Variants in PDZRN3 observed in about 807,000 individuals in gnomAD.
The protein encoded by PDZRN3 is PDZ domain containing ring finger 3, also known as E3 ubiquitin-protein ligase PDZRN3.
In PDZRN3, 38 loss-of-function variants were observed where a neutral mutation model predicts 85.7. The observed-to-expected ratio is 0.44, with a 90% CI of 0.34 to 0.58. The LOEUF is 0.58. Among genes scored for constraint, PDZRN3 ranks in the 20% least tolerant of loss-of-function variants. The probability of loss-of-function intolerance (pLI) is 0.01; values close to 1 mark genes in which losing one functional copy is unlikely to be tolerated. For synonymous variants in PDZRN3, 759 were observed against 638.0 expected (o/e 1.19, Z -2.86); for missense variants, 1,629 against 1,506.4 (o/e 1.08, Z -1.35).
intron 3 of PDZRN3, among the ~76,000 whole-genome samples, chr3:73,510,480 A>T (rs1704144273): frequency 6.6e-6 from 1 of 152,266 alleles, no homozygotes; most frequent in African/African-American, 2.4e-5. Flanking sequence ...GAATAAATAA[A>T]GCATGTGCTC....
intron 3 of PDZRN3, among the ~76,000 whole-genome samples, chr3:73,455,608 A>G (rs561915663): frequency 3.9e-5 from 6 of 152,222 alleles, no homozygotes; most frequent in Non-Finnish European, 8.8e-5. Context: ...TGCAAAACAG[A>G]TATTATAATA....
At chr3:73,590,275 A>AAG (rs1553705522) in intron 3 of PDZRN3, among the ~76,000 whole-genome samples, 14 of 151,562 alleles carry the variant, frequency 9.2e-5, no homozygotes, top group Admixed American at 2.0e-4. Context: ...TCTCAAAAAA[A>AAG]AAAAAAAAAA....
chr3:73,530,289 T>C (rs75895126), intron 3 of PDZRN3, among the ~76,000 whole-genome samples: 1,626 of 152,268 alleles, frequency 0.011, 33 homozygotes, highest in African/African-American at 0.037. Context: ...TTTTATGACT[T>C]AACACTCTTG....
intron 3 of PDZRN3, 181 bp from the exon 4 acceptor site, chr3:73,404,576 G>A: frequency 3.3e-6 from 2 of 605,282 alleles, no homozygotes; most frequent in Non-Finnish European, 5.7e-6. Flanking sequence ...AAGAGAGTGA[G>A]TTTGGAGGTA....
rs529000012 is a variant in PDZRN3 at position 73,462,850 on chromosome 3, T to A, written c.919-58455A>T. 5.9e-5 allele frequency among the ~76,000 whole-genome samples: 9 copies of A among 152,298 alleles called. No homozygotes were observed. In the South Asian group the frequency reaches 1.9e-3, roughly 32 times the overall value. ...CAACTACCTTTTGCCTTAAGTCTTA[T>A]TGGCCCACACTTTTACAAATGAGAA... On this transcript the variant is annotated intron_variant, in intron 3 of 9. Coordinates refer to ENST00000263666, the MANE Select transcript of PDZRN3 (RefSeq NM_015009.3).
At chr3:73,613,700 G>C (rs561115033) in intron 1 of PDZRN3, among the ~76,000 whole-genome samples, 1 of 151,970 alleles carries the variant, frequency 6.6e-6, no homozygotes, top group African/African-American at 2.4e-5. Flanking sequence ...CAGTAACCCC[G>C]ACCCTGAAGA....
intron 3 of PDZRN3, among the ~76,000 whole-genome samples, chr3:73,524,928 C>T (rs1320075120): frequency 6.7e-6 from 1 of 148,514 alleles, no homozygotes; most frequent in East Asian, 2.0e-4. Context: ...ATCACAGATC[C>T]GATTCATATA....
chr3:73,541,714 T>C (rs555608602), intron 3 of PDZRN3, among the ~76,000 whole-genome samples: 1 of 152,234 alleles, frequency 6.6e-6, no homozygotes, highest in Non-Finnish European at 1.5e-5. Context: ...AAGAAGACTT[T>C]CTAGGTGTCT....
intron 1 of PDZRN3, chr3:73,621,941 GAAAA>G (rs1266052467): frequency 6.6e-6 from 1 of 152,152 alleles, no homozygotes; most frequent in African/African-American, 2.4e-5. Context: ...ACTCCAGAAA[GAAAA>G]CAGAAAGTTA....
At chr3:73,548,439 G>A (rs970702262) in intron 3 of PDZRN3, among the ~76,000 whole-genome samples, 9 of 152,222 alleles carry the variant, frequency 5.9e-5, no homozygotes, top group African/African-American at 2.2e-4. Flanking sequence ...TGAAGCAAAG[G>A]AGGGATCCTA....
At chr3:73,481,937 T>C (rs1038964587) in intron 3 of PDZRN3, among the ~76,000 whole-genome samples, 4 of 152,058 alleles carry the variant, frequency 2.6e-5, no homozygotes, top group Admixed American at 2.6e-4. Flanking sequence ...TAGCTAGTGG[T>C]AGCATTAAGG....
At chr3:73,506,024 G>A (rs1056160030) in intron 3 of PDZRN3, among the ~76,000 whole-genome samples, 3 of 152,068 alleles carry the variant, frequency 2.0e-5, no homozygotes, top group African/African-American at 7.2e-5. Context: ...GTACGGGCAG[G>A]TAGAGAGCAG....
At chr3:73,503,026 C>G (rs1330992952) in intron 3 of PDZRN3, among the ~76,000 whole-genome samples, 1 of 152,172 alleles carries the variant, frequency 6.6e-6, no homozygotes, top group Non-Finnish European at 1.5e-5. Context: ...TACTGTTGGT[C>G]AGAGAATATT....
chr3:73,508,051 T>C (rs1704098659), intron 3 of PDZRN3, among the ~76,000 whole-genome samples: 1 of 151,974 alleles, frequency 6.6e-6, no homozygotes, highest in Non-Finnish European at 1.5e-5. Flanking sequence ...GCCGAGATTG[T>C]GCCATTGCAC....
chr3:73,402,575 C>T (rs1701770897), intron 4 of PDZRN3: 1 of 152,246 alleles, frequency 6.6e-6, no homozygotes, highest in Non-Finnish European at 1.5e-5. Context: ...GAATGTGAGA[C>T]GGATGCCCTG....
chr3:73,388,986 C>A (rs945796653), intron 7 of PDZRN3, among the ~76,000 whole-genome samples: 1 of 144,196 alleles, frequency 6.9e-6, no homozygotes, highest in African/African-American at 2.5e-5. Context: ...CCTGACCCTT[C>A]AGGTGTGAAG....
chr3:73,531,786 C>T (rs1454501873), intron 3 of PDZRN3, among the ~76,000 whole-genome samples: 2 of 152,168 alleles, frequency 1.3e-5, no homozygotes, highest in Non-Finnish European at 2.9e-5. Context: ...GACCGAGTGT[C>T]ATCAATACTT....
intron 1 of PDZRN3, among the ~76,000 whole-genome samples, chr3:73,622,546 T>C (rs935155240): frequency 5.9e-5 from 9 of 152,258 alleles, no homozygotes; most frequent in African/African-American, 9.6e-5. Context: ...CTGGGCGACT[T>C]TGCCCCTCCA....
intron 3 of PDZRN3, among the ~76,000 whole-genome samples, chr3:73,471,219 T>C (rs531526381): frequency 4.6e-5 from 7 of 152,212 alleles, no homozygotes; most frequent in Admixed American, 4.6e-4. Context: ...AGACAGGGCA[T>C]TGGAGTGGTG....
Sources: allele counts gnomAD v4.1 joint callset (sites outside exome capture counted in the v4.1 genomes callset), GRCh38; gene constraint gnomAD v4.1.1; transcripts MANE v1.5; gene names NCBI Gene and HGNC (gene_info 2026-07-23, HGNC 2026-07-21).